The following ACSM2B variants were observed in gnomAD, a reference collection of about 807,000 sequenced individuals.
ACSM2B encodes the protein acyl-CoA synthetase medium chain family member 2B.
ACSM2B carries 58 observed loss-of-function variants against 78.6 expected under a neutral mutation model. That is an observed-to-expected ratio of 0.74 (90% CI 0.60 to 0.92). The LOEUF is 0.92. ACSM2B is among the 40% of genes least tolerant of loss of function. ACSM2B has a pLI of 0.00. For missense variants in ACSM2B, 688 were observed against 711.2 expected (o/e 0.97, Z 0.37); for synonymous variants, 257 against 256.8 (o/e 1.00, Z -0.01).
At chr16:20,566,692 TATATAGTATATATATA>T (rs2015874571) in intron 1 of ACSM2B, among the ~76,000 whole-genome samples, 1 of 3,714 alleles carries the variant, frequency 2.7e-4, no homozygotes, top group Non-Finnish European at 6.6e-4. Context: ...GTATATACTA[TATATAGTATATATATA>T]GTATATATAG....
intron 6 of ACSM2B, among the ~76,000 whole-genome samples, chr16:20,550,879 A>T (rs2015292263): frequency 6.6e-6 from 1 of 152,186 alleles, no homozygotes; most frequent in African/African-American, 2.4e-5. Context: ...TTCTATAGGA[A>T]AAAATTCCAC....
chr16:20,544,536 A>G, intron 10 of ACSM2B: 1 of 960,728 alleles, frequency 1.0e-6, no homozygotes, highest in Non-Finnish European at 1.2e-6. Flanking sequence ...TTATTATTTG[A>G]TTTATTATTT....
intron 2 of ACSM2B, among the ~76,000 whole-genome samples, chr16:20,563,533 G>T (rs2015730477): frequency 6.6e-6 from 1 of 152,038 alleles, no homozygotes; most frequent in Non-Finnish European, 1.5e-5. Context: ...AGTCATGGTA[G>T]TAAGGGCCTT....
intron 8 of ACSM2B, chr16:20,547,406 G>A: frequency 2.0e-6 from 2 of 985,092 alleles, no homozygotes; most frequent in Non-Finnish European, 2.4e-6. Context: ...AGCTAAAGAA[G>A]GATGCAGGGT....
Position 20,545,254 on chromosome 16 carries a change from A to G in ACSM2B, c.1184T>C (p.Ile395Thr), listed in dbSNP as rs752366107. The change falls in exon 10 of 14, where the codon ATA becomes ACA. Residue 395 changes from isoleucine (I) to threonine (T), a missense_variant. Ile to Thr is a moderately conservative substitution (Grantham distance 89). Transcript: ENST00000329697. ...TAASCYDVQV[I>T]DDKGNVLPPG... ...GGGCAGGACGTTGCCCTTATCATCTATAACCTGGAGAAAGAAGCATATTGG... is the reference window on the plus strand; with the variant it reads ...GGGCAGGACGTTGCCCTTATCATCTGTAACCTGGAGAAAGAAGCATATTGG... 10 of 1,613,160 alleles carry G rather than the reference A, an allele frequency of 6.2e-6. No individual in the cohort carries two copies. The highest frequency in any genetic ancestry group is 3.3e-5 in the South Asian group (3 of 90,894).
In ACSM2B at chr16:20,536,884, A is replaced by C. The variant is rs2014857203; in HGVS notation, c.*374T>G. 2 of 161,994 alleles carry C rather than the reference A, an allele frequency of 1.2e-5. No homozygotes were observed. Among genetic ancestry groups the C allele is most frequent in the South Asian group, 4.2e-4 (2 of 4,766 alleles). The allele number at this position is 161,994 out of a possible 1,614,324, so 10.0% of individuals were successfully genotyped here. A position where few individuals can be genotyped will look rare whatever the true frequency, so the allele number is the denominator to read the frequency against. ...TCTTTATTTTTCTGATTCTCCCTTC[A>C]ATTATTTTTCTTCTATCTTTTCTCC... is the stretch of plus-strand genomic sequence containing the variant. On this transcript the variant is annotated 3_prime_UTR_variant, in exon 14 of 14. Coordinates refer to ENST00000329697, the MANE Select transcript of ACSM2B (RefSeq NM_001105069.2).
At chr16:20,570,759 T>C (rs934142595) in intron 1 of ACSM2B, among the ~76,000 whole-genome samples, 1 of 151,896 alleles carries the variant, frequency 6.6e-6, no homozygotes, top group African/African-American at 2.4e-5. Flanking sequence ...TGCTTGTTAT[T>C]GGTCTGTTCA....
At chr16:20,543,060 A>G (rs748926914) in intron 11 of ACSM2B, 47 bp from the exon 12 acceptor site, 39 of 1,612,774 alleles carry the variant, frequency 2.4e-5, no homozygotes, top group Non-Finnish European at 3.2e-5. Context: ...CCGAACCTCT[A>G]GGCCATTCCG....
chr16:20,574,944 T>A (rs2016203259), intron 1 of ACSM2B, among the ~76,000 whole-genome samples: 1 of 146,486 alleles, frequency 6.8e-6, no homozygotes, highest in Non-Finnish European at 1.5e-5. Context: ...TTCATTATGT[T>A]CCTTAGTTCT....
Position 20,553,322 on chromosome 16 carries a change from A to G in ACSM2B, c.740+455T>C, listed in dbSNP as rs574161734. 2.6e-5 allele frequency among the ~76,000 whole-genome samples: 4 copies of G among 152,298 alleles called. No individual in the cohort carries two copies. In the South Asian group the frequency reaches 8.3e-4, roughly 32 times the overall value. On this transcript the variant is annotated intron_variant, in intron 5 of 13. Coordinates refer to ENST00000329697, the MANE Select transcript of ACSM2B (RefSeq NM_001105069.2). ...ATCAGTGGGAAAAAAATGCTCAACTATGGGGTCTGTGATCCAGAAATCCTG... is the reference window on the plus strand; with the variant it reads ...ATCAGTGGGAAAAAAATGCTCAACTGTGGGGTCTGTGATCCAGAAATCCTG...
chr16:20,546,235 C>T (rs952049168), intron 9 of ACSM2B, among the ~76,000 whole-genome samples, 159 bp downstream of exon 9: 3 of 152,128 alleles, frequency 2.0e-5, no homozygotes, highest in Admixed American at 6.6e-5. Context: ...CCTTCCCTCA[C>T]TCTCTCCTTC....
rs762760511 is a variant in ACSM2B, at chr16:20,542,968, G to A, written c.1455C>T (p.His485=). The change falls in exon 12 of 14, where the codon CAC becomes CAT. Residue 485 remains histidine (H), a synonymous_variant. Transcript: ENST00000329697. ...PSEVENALMK[H]PAVVETAVIS... ...TCACAGCCGTCTCAACCACAGCAGG[G>A]TGCTTCATCAGTGCATTCTCTACCT... 10 of 1,613,554 alleles carry A rather than the reference G, an allele frequency of 6.2e-6. No homozygotes were observed. The highest frequency in any genetic ancestry group is 1.3e-5 in the African/African-American group (1 of 74,634).
At position 20,540,744 on chromosome 16, in the gene ACSM2B, C is replaced by G. The variant is rs79073602; in HGVS notation, c.1539G>C (p.Ser513=). The G allele has an allele frequency of 9.3e-6, 15 of 1,613,910 alleles. No homozygotes were observed. The highest frequency in any genetic ancestry group is 1.3e-5 in the African/African-American group (1 of 75,002). Residue 513 remains serine (S), a synonymous_variant, in exon 13 of 14, where the codon TCG becomes TCC. Coordinates refer to ENST00000329697, the MANE Select transcript of ACSM2B (RefSeq NM_001105069.2). ...EVVKAFVILA[S]QFLSHDPEQL... ...GTTCTGGGTCATGGGATAGGAACTGCGAGGCCAGGATCACAAATGCCTTCA... is the reference window on the plus strand; with the variant it reads ...GTTCTGGGTCATGGGATAGGAACTGGGAGGCCAGGATCACAAATGCCTTCA...
rs545282696 is a variant in ACSM2B at position 20,550,644 on chromosome 16, C to T, written c.894+1500G>A. Among the ~76,000 whole-genome samples, 59 of 152,240 alleles carry T rather than the reference C, an allele frequency of 3.9e-4. 1 individual carries two copies. In the South Asian group the frequency reaches 5.6e-3, roughly 14 times the overall value. On this transcript the variant is annotated intron_variant, in intron 6 of 13. Coordinates refer to ENST00000329697, the MANE Select transcript of ACSM2B (RefSeq NM_001105069.2). ...CACCTGGCTTTTTGACTTTTGAAGA[C>T]GTCATCTATGCCTTAGCTTGAACCT...
rs2015959675 is a variant in ACSM2B at position 20,567,597 on chromosome 16, G to GATGTATA, written c.-8-2745_-8-2744insTATACAT. ...TAAAAATATATAAATAATAATATAA[G>GATGTATA]ATATATAATATATAATATATAGTAT... is the stretch of plus-strand genomic sequence containing the variant. On this transcript the variant is annotated intron_variant, in intron 1 of 13. Transcript: ENST00000329697. 3.1e-5 allele frequency among the ~76,000 whole-genome samples: 4 copies of GATGTATA among 128,516 alleles called. No individual in the cohort carries two copies. The South Asian group carries it at 9.1e-4, about 29-fold the overall frequency. The allele number at this position is 128,516 out of a possible 152,430, so 84.3% of individuals were successfully genotyped here.
At chr16:20,561,813 C>A (rs1168426101) in intron 2 of ACSM2B, among the ~76,000 whole-genome samples, 1 of 151,096 alleles carries the variant, frequency 6.6e-6, no homozygotes, top group East Asian at 1.9e-4. Context: ...TGCTGCACCG[C>A]TTAACTCATC....
At chr16:20,548,938 G>T (rs1484379329) in intron 6 of ACSM2B, among the ~76,000 whole-genome samples, 2 of 152,132 alleles carry the variant, frequency 1.3e-5, no homozygotes, top group African/African-American at 4.8e-5. Flanking sequence ...AGATATAAAA[G>T]TTCTTTGAAA....
chr16:20,574,617 C>G (rs548978599), intron 1 of ACSM2B: 55 of 150,642 alleles, frequency 3.7e-4, no homozygotes, highest in African/African-American at 1.3e-3. Flanking sequence ...CAGCTCTGGC[C>G]GATCCCTCCA....
rs569100927 is a variant in ACSM2B at position 20,540,311 on chromosome 16, C to T, written c.1629+343G>A. 2.0e-5 allele frequency among the ~76,000 whole-genome samples: 3 copies of T among 148,020 alleles called. No homozygotes were observed. The East Asian group carries it at 6.1e-4, about 30-fold the overall frequency. Reference sequence around the variant, plus strand: ...AGGCTGGAGTGCAGTGGCATGATCTCGGCTCACTGTAACCTACACCTCCCA... The same window carrying T: ...AGGCTGGAGTGCAGTGGCATGATCTTGGCTCACTGTAACCTACACCTCCCA... On this transcript the variant is annotated intron_variant, in intron 13 of 13. Coordinates refer to ENST00000329697, the MANE Select transcript of ACSM2B (RefSeq NM_001105069.2).
Sources: allele counts gnomAD v4.1 joint callset (sites outside exome capture counted in the v4.1 genomes callset), GRCh38; gene constraint gnomAD v4.1.1; transcripts MANE v1.5; gene names NCBI Gene and HGNC (gene_info 2026-07-23, HGNC 2026-07-21).